The following MTPAP variants were observed in gnomAD, a reference collection of about 807,000 sequenced individuals.
The protein encoded by MTPAP is mitochondrial poly(A) polymerase.
In MTPAP, 23 loss-of-function variants were observed where a neutral mutation model predicts 48.7. That is an observed-to-expected ratio of 0.47 (90% CI 0.34 to 0.67). The LOEUF (loss-of-function observed/expected upper bound fraction) is 0.67. MTPAP is among the 30% of genes least tolerant of loss of function. The pLI is 0.01. For synonymous variants in MTPAP, 257 were observed against 254.1 expected (o/e 1.01, Z -0.11); for missense variants, 614 against 694.3 (o/e 0.88, Z 1.30).
chr10:30,320,624 A>G lies in MTPAP; in HGVS notation c.1219+1767T>C, dbSNP rs146184638. Among the ~76,000 whole-genome samples, 1,488 of 152,346 alleles carry G rather than the reference A, an allele frequency of 9.8e-3. 20 individuals are homozygous for G. Among genetic ancestry groups the G allele is most frequent in the African/African-American group, 0.032 (1,349 of 41,586 alleles). ...GACTGCAAAAGAGGGTAATACTATCATATGTGTTTGTGAAAATCACTCTCT... is the reference window on the plus strand; with the variant it reads ...GACTGCAAAAGAGGGTAATACTATCGTATGTGTTTGTGAAAATCACTCTCT... On this transcript the variant is annotated intron_variant, in intron 6 of 8. Coordinates refer to ENST00000263063, the MANE Select transcript of MTPAP (RefSeq NM_018109.4).
intron 1 of MTPAP, among the ~76,000 whole-genome samples, chr10:30,347,123 C>G (rs548061612): frequency 6.6e-6 from 1 of 152,282 alleles, no homozygotes; most frequent in Non-Finnish European, 1.5e-5. Context: ...GAAAGAATCC[C>G]GAATAATACA....
rs1414663666 is a variant in MTPAP at position 30,322,543 on chromosome 10, C to G, written c.1067G>C (p.Ser356Thr). 1 of 1,614,088 alleles carries G rather than the reference C, an allele frequency of 6.2e-7. No individual in the cohort carries two copies. The highest frequency in any genetic ancestry group is 1.7e-5 in the Admixed American group (1 of 60,014). Residue 356 changes from serine to threonine, a missense_variant, in exon 6 of 9, where the codon AGT becomes ACT. Physicochemically the swap from Ser to Thr is moderately conservative, Grantham distance 58. Coordinates refer to ENST00000263063, the MANE Select transcript of MTPAP (RefSeq NM_018109.4). Reference protein sequence around the residue: ...LDSRVRALVFSVRCWARAHSL... With the variant: ...LDSRVRALVFTVRCWARAHSL... ...ATGTGCTCGAGCCCAGCACCGTACA[C>G]TGAACACCAAGGCTCTCACTCTTGA... is the stretch of plus-strand genomic sequence containing the variant.
intron 4 of MTPAP, among the ~76,000 whole-genome samples, chr10:30,328,861 A>G (rs1834629872): frequency 6.6e-6 from 1 of 152,190 alleles, no homozygotes; most frequent in Admixed American, 6.5e-5. Context: ...GTAGGGAGGA[A>G]GGAGTTAAGG....
At chr10:30,334,527 G>T (rs1834706638) in intron 4 of MTPAP, among the ~76,000 whole-genome samples, 1 of 152,062 alleles carries the variant, frequency 6.6e-6, no homozygotes, top group Admixed American at 6.6e-5. Flanking sequence ...CGGGCGTGGT[G>T]GGGCGTGCCT....
intron 8 of MTPAP, among the ~76,000 whole-genome samples, chr10:30,315,406 A>T (rs983674719): frequency 3.9e-5 from 6 of 152,078 alleles, no homozygotes; most frequent in African/African-American, 7.2e-5. Flanking sequence ...ACTTGCAAAC[A>T]AATTTTGTCT....
chr10:30,344,236 T>C (rs956390993), intron 1 of MTPAP, among the ~76,000 whole-genome samples: 27 of 152,216 alleles, frequency 1.8e-4, no homozygotes, highest in African/African-American at 5.3e-4. Flanking sequence ...TATGGTACTC[T>C]ACACACACAA....
At chr10:30,337,927 A>G (rs1231434653) in intron 3 of MTPAP, among the ~76,000 whole-genome samples, 1 of 151,968 alleles carries the variant, frequency 6.6e-6, no homozygotes, top group Non-Finnish European at 1.5e-5. Flanking sequence ...ATCTGAAGTG[A>G]AAAAAAATCG....
At chr10:30,345,886 A>C (rs1203573448) in intron 1 of MTPAP, among the ~76,000 whole-genome samples, 1 of 152,040 alleles carries the variant, frequency 6.6e-6, no homozygotes, top group Non-Finnish European at 1.5e-5. Context: ...ATCTCTACTA[A>C]AAATACAAAA....
In MTPAP at chr10:30,344,673, C is replaced by T. The variant is rs184369151; in HGVS notation, c.158-3033G>A. On this transcript the variant is annotated intron_variant, in intron 1 of 8. Coordinates refer to ENST00000263063, the MANE Select transcript of MTPAP (RefSeq NM_018109.4). ...CTGAGTCTAAACTGATGTCCAACTG[C>T]GTATTGTAAAAGTAAAGTCAAACAG... Among the ~76,000 whole-genome samples the T allele has an allele frequency of 1.6e-3, 236 of 152,194 alleles. 1 individual carries two copies. Among genetic ancestry groups the T allele is most frequent in the African/African-American group, 5.0e-3 (209 of 41,518 alleles).
intron 1 of MTPAP, among the ~76,000 whole-genome samples, chr10:30,347,795 G>A (rs1834889397): frequency 6.6e-6 from 1 of 152,088 alleles, no homozygotes; most frequent in East Asian, 1.9e-4. Flanking sequence ...GGAGGCTGAG[G>A]CAGGAGAATC....
intron 3 of MTPAP, among the ~76,000 whole-genome samples, chr10:30,337,254 A>C (rs1388658806): frequency 6.6e-6 from 1 of 152,002 alleles, no homozygotes; most frequent in Non-Finnish European, 1.5e-5. Context: ...GAGAAACCCA[A>C]TCTCTACTAA....
At chr10:30,328,579 T>A (rs150921091) in intron 4 of MTPAP, among the ~76,000 whole-genome samples, 1 of 152,342 alleles carries the variant, frequency 6.6e-6, no homozygotes, top group African/African-American at 2.4e-5. Context: ...TCTTCTAGAA[T>A]TCATTCCTCC....
chr10:30,336,146 G>T (rs1471454517), intron 4 of MTPAP, among the ~76,000 whole-genome samples: 1 of 152,134 alleles, frequency 6.6e-6, no homozygotes, highest in Non-Finnish European at 1.5e-5. Context: ...TGATAGACTG[G>T]AGTAAAAGCA....
At chr10:30,330,384 G>T (rs959445698) in intron 4 of MTPAP, among the ~76,000 whole-genome samples, 4 of 152,088 alleles carry the variant, frequency 2.6e-5, no homozygotes, top group Non-Finnish European at 5.9e-5. Context: ...TCTATCTCAG[G>T]ATGGCAAAAA....
chr10:30,328,934 T>C (rs781696791), intron 4 of MTPAP, among the ~76,000 whole-genome samples: 47 of 151,954 alleles, frequency 3.1e-4, no homozygotes, highest in Admixed American at 2.0e-3. Context: ...ACATCCTAGG[T>C]TGTTTTGTTG....
chr10:30,340,164 A>C, intron 3 of MTPAP, 62 bp downstream of exon 3: 1 of 1,303,736 alleles, frequency 7.7e-7, no homozygotes, highest in Non-Finnish European at 1.1e-6. Flanking sequence ...ATTTTACAGG[A>C]ATCTTTATTG....
Position 30,339,480 on chromosome 10 carries a change from CAAA to C in MTPAP, c.555+743_555+745del, listed in dbSNP as rs34169013. Among the ~76,000 whole-genome samples, 175 of 92,250 alleles carry C rather than the reference CAAA, an allele frequency of 1.9e-3. 1 individual carries two copies. Among genetic ancestry groups the C allele is most frequent in the Non-Finnish European group, 3.0e-3 (134 of 44,832 alleles). The allele number at this position is 92,250 out of a possible 152,430, so 60.5% of individuals were successfully genotyped here. A position where few individuals can be genotyped will look rare whatever the true frequency, so the allele number is the denominator to read the frequency against. On this transcript the variant is annotated intron_variant, in intron 3 of 8. Transcript: ENST00000263063. ...CCTGGGCAAGAGCGAGACTCCATCT[CAAA>C]AAAAAAAAAAAAAAAAGAGAGAGAG...
intron 5 of MTPAP, among the ~76,000 whole-genome samples, chr10:30,325,484 C>T (rs560369009): frequency 6.6e-6 from 1 of 152,276 alleles, no homozygotes; most frequent in East Asian, 1.9e-4. Context: ...CAGTGGCTCA[C>T]GCCTGTAATC....
intron 6 of MTPAP, 69 bp from the exon 7 acceptor site, chr10:30,316,279 G>T: frequency 8.4e-7 from 1 of 1,186,486 alleles, no homozygotes; most frequent in Non-Finnish European, 1.2e-6. Context: ...GTCTCACTCT[G>T]TCATCCAGGC....
Sources: gnomAD v4.1 joint callset for allele counts (sites outside exome capture counted in the v4.1 genomes callset) on GRCh38, gnomAD v4.1.1 for gene constraint, MANE v1.5 for transcripts, NCBI Gene and HGNC (gene_info 2026-07-23, HGNC 2026-07-21) for gene names.